FOXN3: variants seen among roughly 807,000 people sequenced by gnomAD.
The protein encoded by FOXN3 is forkhead box N3.
A neutral mutation model predicts 38.4 loss-of-function variants in FOXN3; 7 were observed. The ratio of observed to expected loss-of-function variants is 0.18; its 90% CI spans 0.10 to 0.34. The LOEUF is 0.34. Ranked by LOEUF, FOXN3 falls within the 10% of genes least tolerant of loss-of-function variation. FOXN3 has a pLI of 1.00. For synonymous variants in FOXN3, 230 were observed against 242.2 expected (o/e 0.95, Z 0.47); for missense variants, 456 against 613.4 (o/e 0.74, Z 2.71).
chr14:89,458,796 A>G (rs1892779614), intron 1 of FOXN3, among the ~76,000 whole-genome samples: 1 of 152,142 alleles, frequency 6.6e-6, no homozygotes, highest in African/African-American at 2.4e-5. Context: ...GTCCCAGTCA[A>G]TCACACTCCA....
intron 1 of FOXN3, among the ~76,000 whole-genome samples, chr14:89,618,659 C>A (rs1485539306): frequency 6.6e-6 from 1 of 151,930 alleles, no homozygotes; most frequent in Non-Finnish European, 1.5e-5. Context: ...AGTGTGCTTC[C>A]CTAAAAGTAA....
chr14:89,584,572 C>A (rs12885801), intron 1 of FOXN3, among the ~76,000 whole-genome samples: 30,463 of 152,038 alleles, frequency 0.2, 3,931 homozygotes, highest in East Asian at 0.43. Context: ...TAATTTTATA[C>A]TAGGTGGTGC....
Position 89,310,339 on chromosome 14 carries a change from A to G in FOXN3, c.681-29325T>C, listed in dbSNP as rs145865791. On this transcript the variant is annotated intron_variant, in intron 3 of 5. Coordinates refer to ENST00000557258, the MANE Select transcript of FOXN3 (RefSeq NM_005197.4). ...CAGAGTGCCTAAGAACCAAGCCAAC[A>G]CAGAGAAGAGATTCTGAAGGATGGA... Among the ~76,000 whole-genome samples, 1,313 of 152,314 alleles carry G rather than the reference A, an allele frequency of 8.6e-3. 18 individuals are homozygous for G. The highest frequency in any genetic ancestry group is 0.03 in the African/African-American group (1,230 of 41,564).
intron 1 of FOXN3, among the ~76,000 whole-genome samples, chr14:89,481,615 C>T (rs1049374320): frequency 6.6e-6 from 1 of 152,090 alleles, no homozygotes; most frequent in African/African-American, 2.4e-5. Context: ...AGGTTCAAAT[C>T]GACACACCAA....
At chr14:89,486,751 G>C (rs1893455114) in intron 1 of FOXN3, 1 of 152,118 alleles carries the variant, frequency 6.6e-6, no homozygotes, top group Non-Finnish European at 1.5e-5. Flanking sequence ...TGTCATCTCT[G>C]GCCTGACTCT....
chr14:89,382,913 G>A (rs1482628752), intron 2 of FOXN3, among the ~76,000 whole-genome samples: 11 of 152,090 alleles, frequency 7.2e-5, no homozygotes, highest in South Asian at 4.1e-4. Flanking sequence ...GGTCCAAGAC[G>A]GGAGAAGCAG....
intron 1 of FOXN3, among the ~76,000 whole-genome samples, chr14:89,599,983 C>T (rs11622292): frequency 0.46 from 70,353 of 152,060 alleles, 18,584 homozygotes; most frequent in Middle Eastern, 0.62. Context: ...AAGCAGAGTT[C>T]ACCTCTCTGA....
chr14:89,419,506 T>A (rs1891847063), upstream of FOXN3: 1 of 237,900 alleles, frequency 4.2e-6, no homozygotes, highest in African/African-American at 2.3e-5. Context: ...TACACTGTTT[T>A]ACAAACACAT....
At chr14:89,560,372 G>C (rs1393412602) in intron 1 of FOXN3, among the ~76,000 whole-genome samples, 3 of 152,142 alleles carry the variant, frequency 2.0e-5, no homozygotes, top group Admixed American at 2.0e-4. Flanking sequence ...TACAGCCCCT[G>C]GATACAGGGA....
At chr14:89,373,778 C>T (rs1308577361) in intron 2 of FOXN3, among the ~76,000 whole-genome samples, 18 of 152,090 alleles carry the variant, frequency 1.2e-4, no homozygotes. Context: ...ACTACATATA[C>T]TTTTTAAGAG....
intron 3 of FOXN3, among the ~76,000 whole-genome samples, chr14:89,313,127 G>A (rs1358150438): frequency 6.6e-6 from 1 of 152,084 alleles, no homozygotes; most frequent in African/African-American, 2.4e-5. Context: ...ACCAGGCAAG[G>A]GTGCAAAGGT....
intron 4 of FOXN3, among the ~76,000 whole-genome samples, chr14:89,219,955 A>G (rs1056157056): frequency 6.6e-6 from 1 of 152,200 alleles, no homozygotes; most frequent in Non-Finnish European, 1.5e-5. Context: ...CCACTTACAG[A>G]ACTAATCATC....
chr14:89,606,081 G>A (rs989329945), intron 1 of FOXN3, among the ~76,000 whole-genome samples: 1 of 151,684 alleles, frequency 6.6e-6, no homozygotes, highest in African/African-American at 2.4e-5. Context: ...AACTGCGATG[G>A]CACAGAGATT....
intron 1 of FOXN3, among the ~76,000 whole-genome samples, chr14:89,500,716 C>G (rs1316059320): frequency 6.6e-6 from 1 of 152,196 alleles, no homozygotes. Context: ...GCCTGGTACC[C>G]TGACCTGGCC....
intron 1 of FOXN3, among the ~76,000 whole-genome samples, chr14:89,444,886 C>G (rs1469091638): frequency 6.6e-6 from 1 of 151,966 alleles, no homozygotes; most frequent in African/African-American, 2.4e-5. Context: ...TTTGGGAGGC[C>G]GAGGCAGCAG....
intron 1 of FOXN3, among the ~76,000 whole-genome samples, chr14:89,498,144 C>T (rs1479837937): frequency 6.6e-6 from 1 of 150,584 alleles, no homozygotes; most frequent in African/African-American, 2.5e-5. Flanking sequence ...ATATTTATCC[C>T]TTATCAAATA....
chr14:89,418,491 G>A (rs935571176), upstream of FOXN3, among the ~76,000 whole-genome samples: 3 of 135,254 alleles, frequency 2.2e-5, no homozygotes, highest in African/African-American at 8.6e-5. Context: ...GCAAAGATGT[G>A]CCTTTCAGAC....
At position 89,227,536 on chromosome 14, in the gene FOXN3, T is replaced by C. The variant is rs186694973; in HGVS notation, c.746-46730A>G. ...CTCATGAAATGTGGCGGGTCAGTCA[T>C]GTTGTTTTCAAAGGTTCTAGACCAG... On this transcript the variant is annotated intron_variant, in intron 4 of 5. Coordinates refer to ENST00000557258, the MANE Select transcript of FOXN3 (RefSeq NM_005197.4). Among the ~76,000 whole-genome samples the C allele has an allele frequency of 3.0e-3, 457 of 152,302 alleles. 3 individuals carry two copies. Among genetic ancestry groups the C allele is most frequent in the Admixed American group, 6.1e-3 (94 of 15,306 alleles).
At chr14:89,498,858 G>C (rs775510913) in intron 1 of FOXN3, among the ~76,000 whole-genome samples, 3 of 152,130 alleles carry the variant, frequency 2.0e-5, no homozygotes, top group African/African-American at 7.2e-5. Flanking sequence ...TTATAAGGAT[G>C]CTCCAACTCA....
Sources: allele counts gnomAD v4.1 joint callset (sites outside exome capture counted in the v4.1 genomes callset), GRCh38; gene constraint gnomAD v4.1.1; transcripts MANE v1.5; gene names NCBI Gene and HGNC (gene_info 2026-07-23, HGNC 2026-07-21).